VWC2L: variants seen among roughly 807,000 people sequenced by gnomAD.
VWC2L encodes von Willebrand factor C domain-containing protein 2-like.
A neutral mutation model predicts 21.6 loss-of-function variants in VWC2L; 10 were observed. The ratio of observed to expected loss-of-function variants is 0.46; its 90% confidence interval spans 0.29 to 0.78. VWC2L has a LOEUF of 0.78. Among genes scored for constraint, VWC2L ranks in the 30% least tolerant of loss-of-function variants. VWC2L has a pLI of 0.10. For missense variants in VWC2L, 209 were observed against 277.1 expected, an observed-to-expected ratio of 0.75 and a Z score of 1.74; for synonymous variants, 96 against 94.3, an observed-to-expected ratio of 1.02 and a Z score of -0.10.
chr2:214,486,657 G>C (rs189875166), intron 3 of VWC2L, among the ~76,000 whole-genome samples: 2 of 152,090 alleles, frequency 1.3e-5, no homozygotes, highest in East Asian at 1.9e-4. Context: ...AATGTTGCCC[G>C]TACACTCAGC....
chr2:214,497,488 T>C (rs1688828833), intron 3 of VWC2L, among the ~76,000 whole-genome samples: 1 of 152,228 alleles, frequency 6.6e-6, no homozygotes, highest in Admixed American at 6.5e-5. Context: ...GGTGGGTTCA[T>C]AGGTACACAA....
chr2:214,429,586 T>C (rs1017628652), intron 2 of VWC2L, among the ~76,000 whole-genome samples: 21 of 152,176 alleles, frequency 1.4e-4, no homozygotes, highest in African/African-American at 5.1e-4. Flanking sequence ...AAACAGATAT[T>C]ATTGCTTACA....
At chr2:214,425,771 G>A (rs1411105166) in intron 2 of VWC2L, among the ~76,000 whole-genome samples, 1 of 151,742 alleles carries the variant, frequency 6.6e-6, no homozygotes, top group Non-Finnish European at 1.5e-5. Context: ...CCAAAATATA[G>A]AAGACAGAAA....
At chr2:214,504,783 G>T (rs1168248970) in intron 3 of VWC2L, among the ~76,000 whole-genome samples, 2 of 152,124 alleles carry the variant, frequency 1.3e-5, no homozygotes, top group Non-Finnish European at 2.9e-5. Flanking sequence ...CAAGCCTGTT[G>T]GGCAGCCTGG....
At chr2:214,530,972 A>G (rs1276932821) in intron 3 of VWC2L, among the ~76,000 whole-genome samples, 1 of 152,162 alleles carries the variant, frequency 6.6e-6, no homozygotes, top group African/African-American at 2.4e-5. Context: ...CAATGTCAAC[A>G]ATGGGGGTGG....
At chr2:214,508,072 G>A (rs1688993014) in intron 3 of VWC2L, among the ~76,000 whole-genome samples, 1 of 152,116 alleles carries the variant, frequency 6.6e-6, no homozygotes. Context: ...CGCCTACCGG[G>A]TTCACGCCAT....
chr2:214,553,399 T>C (rs1401008412), intron 3 of VWC2L, among the ~76,000 whole-genome samples: 1 of 152,194 alleles, frequency 6.6e-6, no homozygotes. Flanking sequence ...ATGTAAGATG[T>C]ACATGGGTTT....
In VWC2L at chr2:214,545,389, T is replaced by G. The variant is rs566092297; in HGVS notation, c.521-30283T>G. Among the ~76,000 whole-genome samples, 4 of 152,300 alleles carry G rather than the reference T, an allele frequency of 2.6e-5. 1 individual carries two copies. The highest frequency in any genetic ancestry group is 2.0e-4 in the Admixed American group (3 of 15,284). ...GCTCTAGAAAATATGGAATTACACA[T>G]GGCTGTTGCTTTTTGGATTCATGAC... On this transcript the variant is annotated intron_variant, in intron 3 of 3. Coordinates refer to ENST00000312504, the MANE Select transcript of VWC2L (RefSeq NM_001080500.4).
intron 2 of VWC2L, among the ~76,000 whole-genome samples, chr2:214,420,651 T>C (rs1365277534): frequency 1.3e-5 from 2 of 152,156 alleles, no homozygotes; most frequent in African/African-American, 2.4e-5. Context: ...TTTAAAGAGT[T>C]TTATACAAAA....
At chr2:214,543,762 G>A (rs1689663346) in intron 3 of VWC2L, among the ~76,000 whole-genome samples, 1 of 152,096 alleles carries the variant, frequency 6.6e-6, no homozygotes, top group Non-Finnish European at 1.5e-5. Flanking sequence ...CCCTCTCAAA[G>A]CCAAACTGGT....
chr2:214,541,843 C>T (rs939885714), intron 3 of VWC2L, among the ~76,000 whole-genome samples: 1 of 151,620 alleles, frequency 6.6e-6, no homozygotes, highest in Non-Finnish European at 1.5e-5. Context: ...ATCTGAGTCA[C>T]TAAAACATAT....
At chr2:214,486,876 G>C (rs575352289) in intron 3 of VWC2L, among the ~76,000 whole-genome samples, 2 of 152,308 alleles carry the variant, frequency 1.3e-5, no homozygotes, top group South Asian at 4.1e-4. Context: ...TGGAAATTTA[G>C]TGTTACGAGC....
intron 3 of VWC2L, among the ~76,000 whole-genome samples, chr2:214,468,799 T>G (rs1195842506): frequency 2.0e-5 from 3 of 152,306 alleles, no homozygotes; most frequent in African/African-American, 7.2e-5. Context: ...AGCATAGGTT[T>G]GCTGACTTAA....
At chr2:214,484,314 T>G (rs1415223590) in intron 3 of VWC2L, among the ~76,000 whole-genome samples, 1 of 152,154 alleles carries the variant, frequency 6.6e-6, no homozygotes, top group East Asian at 1.9e-4. Flanking sequence ...GAAAATCAAC[T>G]AGTCTGAATT....
At chr2:214,509,482 T>C (rs1330914736) in intron 3 of VWC2L, among the ~76,000 whole-genome samples, 5 of 150,600 alleles carry the variant, frequency 3.3e-5, no homozygotes, top group Non-Finnish European at 5.9e-5. Flanking sequence ...AAAAAATGTG[T>C]TCGTTGATGA....
intron 3 of VWC2L, among the ~76,000 whole-genome samples, chr2:214,523,107 CTT>C (rs1209100077): frequency 1.3e-5 from 2 of 152,294 alleles, no homozygotes; most frequent in East Asian, 1.9e-4. Flanking sequence ...AATAACTCCT[CTT>C]TGTTTCAATG....
intron 3 of VWC2L, among the ~76,000 whole-genome samples, chr2:214,454,571 G>C (rs1703025255): frequency 7.6e-6 from 1 of 132,012 alleles, no homozygotes. Context: ...TAGTTTACTA[G>C]TATACTGAAT....
chr2:214,498,938 C>T (rs1355537699), intron 3 of VWC2L, among the ~76,000 whole-genome samples: 1 of 149,862 alleles, frequency 6.7e-6, no homozygotes, highest in Non-Finnish European at 1.5e-5. Flanking sequence ...TTAGGGACTG[C>T]ATGACCAAGT....
chr2:214,534,183 T>C (rs1689487518), intron 3 of VWC2L: 1 of 152,468 alleles, frequency 6.6e-6, no homozygotes, highest in Admixed American at 6.6e-5. Flanking sequence ...GCAGCCAAGA[T>C]GGTAAAATAG....
Sources: gnomAD v4.1 joint callset for allele counts (sites outside exome capture counted in the v4.1 genomes callset) on GRCh38, gnomAD v4.1.1 for gene constraint, MANE v1.5 for transcripts, NCBI Gene and HGNC (gene_info 2026-07-23, HGNC 2026-07-21) for gene names.